ATP11C: variants seen among roughly 807,000 people sequenced by gnomAD.
The protein encoded by ATP11C is phospholipid-transporting ATPase IG.
ATP11C carries 36 observed loss-of-function variants against 97.4 expected under a neutral mutation model. The ratio of observed to expected loss-of-function variants is 0.37; its 90% CI spans 0.28 to 0.49. ATP11C has a LOEUF of 0.49. Ranked by LOEUF, ATP11C falls within the 20% of genes least tolerant of loss-of-function variation. The pLI is 0.98. For missense variants in ATP11C, 730 were observed against 824.6 expected (o/e 0.89, Z 1.40); for synonymous variants, 275 against 290.9 (o/e 0.95, Z 0.56).
intron 1 of ATP11C, among the ~76,000 whole-genome samples, chrX:139,858,238 G>A (rs998226372): frequency 1.8e-5 from 2 of 112,315 alleles, no homozygotes; most frequent in Admixed American, 9.4e-5. Flanking sequence ...ACACAAATTA[G>A]ACTAAGATAA....
Position 139,819,367 on chromosome X carries a change from A to C in ATP11C, c.208T>G (p.Phe70Val). 11 of 1,145,411 alleles carry C rather than the reference A, an allele frequency of 9.6e-6. No homozygotes were observed. Among genetic ancestry groups the C allele is most frequent in the Non-Finnish European group, 1.3e-5 (11 of 854,009 alleles). 94.4% of individuals were successfully genotyped at this position (1,145,411 alleles called of 1,213,427 possible). A position where few individuals can be genotyped will look rare whatever the true frequency, so the allele number is the denominator to read the frequency against. Residue 70 changes from phenylalanine to valine, a missense_variant, in exon 3 of 30, where the codon TTT becomes GTT. By Grantham distance (50) the Phe-to-Val change is conservative. Coordinates refer to ENST00000682941, the MANE Select transcript of ATP11C (RefSeq NM_001353812.2). ...ACAAGGAAGATTATGAGAAAATAAAAATTTGCAATTCTTCTAAACTGTTCA... is the reference window on the plus strand; with the variant it reads ...ACAAGGAAGATTATGAGAAAATAAACATTTGCAATTCTTCTAAACTGTTCA... ...LFEQFRRIAN[F>V]YFLIIFLVQV...
At chrX:139,833,531 T>A (rs776089516) in intron 1 of ATP11C, among the ~76,000 whole-genome samples, 35 of 106,169 alleles carry the variant, frequency 3.3e-4, no homozygotes, top group Middle Eastern at 9.6e-3. Context: ...GAAAAAAAAA[T>A]TTTTTTTAAT....
chrX:139,851,013 G>A (rs1015594068), intron 1 of ATP11C, among the ~76,000 whole-genome samples: 1 of 111,682 alleles, frequency 9.0e-6, no homozygotes, highest in African/African-American at 3.3e-5. Flanking sequence ...GCAAACCAAC[G>A]GTGTGGCCAA....
intron 1 of ATP11C, among the ~76,000 whole-genome samples, chrX:139,922,687 A>G (rs891386189): frequency 1.8e-5 from 2 of 111,542 alleles, no homozygotes; most frequent in Non-Finnish European, 1.9e-5. Flanking sequence ...CCAGTACCCA[A>G]CCATGCTGGC....
At chrX:139,731,784 G>C in intron 28 of ATP11C, 29 bp from the exon 29 acceptor site, 3 of 1,038,988 alleles carry the variant, frequency 2.9e-6, no homozygotes, top group African/African-American at 1.9e-5. Context: ...GATACTTAAA[G>C]CATTTGAAAA....
chrX:139,870,945 A>C (rs1179558842), intron 1 of ATP11C, among the ~76,000 whole-genome samples: 1 of 105,743 alleles, frequency 9.5e-6, no homozygotes, highest in African/African-American at 3.5e-5. Flanking sequence ...AGTCCCAGCT[A>C]CTCGGGAGGC....
chrX:139,892,555 T>A, intron 1 of ATP11C, among the ~76,000 whole-genome samples: 2 of 111,734 alleles, frequency 1.8e-5, no homozygotes, highest in Admixed American at 1.9e-4. Context: ...AAAGAAAACA[T>A]GTTCCTACCT....
At position 139,797,243 on chromosome X, in the gene ATP11C, T is replaced by C. The variant is rs1227337388; in HGVS notation, c.941A>G (p.Gln314Arg). Residue 314 changes from glutamine (Q) to arginine (R), a missense_variant, in exon 11 of 30, where the codon CAA becomes CGA. Coordinates refer to ENST00000682941, the MANE Select transcript of ATP11C (RefSeq NM_001353812.2). ...AVCTTLKYVW[Q>R]STPYNDEPWY... is the part of the protein sequence containing the mutation. Reference sequence around the variant, plus strand: ...AGGTTCATCATTGTATGGGGTACTTTGCCAAACATACTTTAGAGTAGTGCA... The same window carrying C: ...AGGTTCATCATTGTATGGGGTACTTCGCCAAACATACTTTAGAGTAGTGCA... 8.3e-7 allele frequency: 1 copy of C among 1,198,934 alleles called. No homozygotes were observed. The highest frequency in any genetic ancestry group is 1.8e-5 in the African/African-American group (1 of 56,983).
chrX:139,747,128 G>C (rs780357061), intron 24 of ATP11C, among the ~76,000 whole-genome samples: 1 of 111,395 alleles, frequency 9.0e-6, no homozygotes, highest in East Asian at 2.8e-4. Flanking sequence ...TCTCCCTATA[G>C]CCAGTAAGTC....
chrX:139,754,407 G>A (rs1398652337), intron 23 of ATP11C, among the ~76,000 whole-genome samples: 1 of 111,524 alleles, frequency 9.0e-6, no homozygotes, highest in Non-Finnish European at 1.9e-5. Flanking sequence ...TCTACCAGAT[G>A]TATAAGGAAG....
At chrX:139,831,928 C>A (rs1218219925) in intron 1 of ATP11C, among the ~76,000 whole-genome samples, 2 of 111,634 alleles carry the variant, frequency 1.8e-5, no homozygotes, top group Non-Finnish European at 3.8e-5. Context: ...TCTCTACACA[C>A]AGCCTTTCAT....
At chrX:139,905,779 T>C (rs1292475083) in intron 1 of ATP11C, among the ~76,000 whole-genome samples, 1 of 111,622 alleles carries the variant, frequency 9.0e-6, no homozygotes, top group Non-Finnish European at 1.9e-5. Flanking sequence ...TTGGAAAATA[T>C]TGCCTGCTGT....
intron 1 of ATP11C, among the ~76,000 whole-genome samples, chrX:139,838,234 T>C (rs926944109): frequency 6.3e-5 from 7 of 111,871 alleles, no homozygotes; most frequent in South Asian, 3.7e-4. Flanking sequence ...CAGAATGCTG[T>C]TGGACTCAAA....
At chrX:139,789,279 A>G (rs373179597) in intron 13 of ATP11C, 48 bp downstream of exon 13, 48 of 987,291 alleles carry the variant, frequency 4.9e-5, no homozygotes, top group Non-Finnish European at 6.5e-5. Flanking sequence ...GAATGTTAAC[A>G]TGCATACACA....
At chrX:139,732,454 A>G in intron 28 of ATP11C, 1 of 370,512 alleles carries the variant, frequency 2.7e-6, no homozygotes. Flanking sequence ...TCCAAGAGAA[A>G]CTGTGATTGC....
At chrX:139,745,659 C>A in intron 25 of ATP11C, 63 bp downstream of exon 25, 11 of 1,131,915 alleles carry the variant, frequency 9.7e-6, no homozygotes, top group Non-Finnish European at 1.2e-5. Flanking sequence ...AAATCCAGCA[C>A]CTATGGGAAA....
At chrX:139,775,666 A>C (rs1352032602) in intron 18 of ATP11C, among the ~76,000 whole-genome samples, 1 of 112,664 alleles carries the variant, frequency 8.9e-6, no homozygotes, top group Non-Finnish European at 1.9e-5. Context: ...ACCTTGTGGC[A>C]ATCTCCTGAT....
intron 5 of ATP11C, among the ~76,000 whole-genome samples, chrX:139,812,778 C>T (rs1188245529): frequency 8.1e-5 from 9 of 111,212 alleles, no homozygotes; most frequent in Non-Finnish European, 1.7e-4. Flanking sequence ...ACTTGGCCTC[C>T]CAGAGTGCTG....
chrX:139,784,264 GTTGTGTTT>G (rs2082526541), intron 16 of ATP11C, among the ~76,000 whole-genome samples: 1 of 111,138 alleles, frequency 9.0e-6, no homozygotes, highest in Non-Finnish European at 1.9e-5. Flanking sequence ...TATTTGAAAT[GTTGTGTTT>G]TTTTTTTCAT....
Sources: allele counts gnomAD v4.1 joint callset (sites outside exome capture counted in the v4.1 genomes callset), GRCh38; gene constraint gnomAD v4.1.1; transcripts MANE v1.5; gene names NCBI Gene and HGNC (gene_info 2026-07-23, HGNC 2026-07-21).